HPSE2: variants seen among roughly 807,000 people sequenced by gnomAD.
HPSE2 encodes heparanase 2 (inactive).
HPSE2 carries 38 observed loss-of-function variants against 60.5 expected under a neutral mutation model. That is an observed-to-expected ratio of 0.63 (90% confidence interval 0.48 to 0.82). The LOEUF (loss-of-function observed/expected upper bound fraction) is 0.82. Among genes scored for constraint, HPSE2 ranks in the 40% least tolerant of loss-of-function variants. HPSE2 has a pLI of 0.00. For missense variants in HPSE2, 713 were observed against 740.4 expected (o/e 0.96, Z 0.43); for synonymous variants, 295 against 293.2 (o/e 1.01, Z -0.06).
chr10:98,547,771 A>G (rs922908657), intron 9 of HPSE2, among the ~76,000 whole-genome samples: 2 of 151,814 alleles, frequency 1.3e-5, no homozygotes, highest in African/African-American at 4.8e-5. Flanking sequence ...TAACCTGCAC[A>G]TTGTGCACAT....
chr10:98,501,690 T>A (rs113698108), intron 9 of HPSE2, among the ~76,000 whole-genome samples: 1,943 of 152,170 alleles, frequency 0.013, 39 homozygotes, highest in African/African-American at 0.042. Flanking sequence ...GTATTGGAAG[T>A]CCTAGCCAGA....
intron 1 of HPSE2, among the ~76,000 whole-genome samples, chr10:99,233,784 GCA>G (rs1849747880): frequency 6.6e-6 from 1 of 152,152 alleles, no homozygotes; most frequent in African/African-American, 2.4e-5. Context: ...TCCAGGACAG[GCA>G]CAGTCAGGGC....
chr10:98,851,466 A>T (rs1035049933), intron 3 of HPSE2, among the ~76,000 whole-genome samples: 67 of 152,106 alleles, frequency 4.4e-4, no homozygotes, highest in Admixed American at 2.1e-3. Flanking sequence ...TCCATAACCA[A>T]CACCTGCTTC....
chr10:98,540,275 A>G (rs1943417667), intron 9 of HPSE2, among the ~76,000 whole-genome samples: 1 of 152,226 alleles, frequency 6.6e-6, no homozygotes, highest in Admixed American at 6.5e-5. Flanking sequence ...TTCAATTTGC[A>G]TTTATTCATA....
At chr10:98,976,208 A>G (rs142781168) in intron 3 of HPSE2, among the ~76,000 whole-genome samples, 1 of 152,166 alleles carries the variant, frequency 6.6e-6, no homozygotes, top group South Asian at 2.1e-4. Context: ...CCTCAAGGAA[A>G]GAGACTATAC....
At chr10:99,100,960 G>A (rs934753621) in intron 3 of HPSE2, among the ~76,000 whole-genome samples, 6 of 152,090 alleles carry the variant, frequency 3.9e-5, no homozygotes, top group Non-Finnish European at 4.4e-5. Flanking sequence ...TCACCACCAG[G>A]CCTGCCCTAA....
chr10:99,036,090 C>G (rs1957603575), intron 3 of HPSE2, among the ~76,000 whole-genome samples: 1 of 151,956 alleles, frequency 6.6e-6, no homozygotes, highest in Non-Finnish European at 1.5e-5. Context: ...AACCATGTGC[C>G]TAGAGTCCCA....
the HPSE2 span, among the ~76,000 whole-genome samples, chr10:99,243,183 C>T: frequency 6.6e-6 from 1 of 151,922 alleles, no homozygotes; most frequent in Admixed American, 6.6e-5. Flanking sequence ...GAAACCCTGT[C>T]TCTACTAAAA....
chr10:98,829,538 A>G (rs1296403789), intron 3 of HPSE2, among the ~76,000 whole-genome samples: 1 of 152,108 alleles, frequency 6.6e-6, no homozygotes, highest in Non-Finnish European at 1.5e-5. Context: ...ACAAAAAAAA[A>G]GATGAAGAAA....
intron 3 of HPSE2, among the ~76,000 whole-genome samples, chr10:99,135,692 T>A (rs1845619371): frequency 6.6e-6 from 1 of 152,122 alleles, no homozygotes; most frequent in Non-Finnish European, 1.5e-5. Context: ...CTGGGACACA[T>A]TTAAAGCAGT....
At chr10:99,275,431 T>C in the HPSE2 span, among the ~76,000 whole-genome samples, 1 of 151,052 alleles carries the variant, frequency 6.6e-6, no homozygotes, top group African/African-American at 2.5e-5. Context: ...TTATTTAACT[T>C]GGGACATTTA....
At chr10:99,040,657 TA>T (rs542775208) in intron 3 of HPSE2, among the ~76,000 whole-genome samples, 2 of 151,900 alleles carry the variant, frequency 1.3e-5, no homozygotes, top group Non-Finnish European at 2.9e-5. Flanking sequence ...TACCCAAAAA[TA>T]AAAAAAACTT....
intron 7 of HPSE2, among the ~76,000 whole-genome samples, chr10:98,630,228 C>T (rs1426181816): frequency 2.1e-5 from 3 of 144,026 alleles, no homozygotes; most frequent in African/African-American, 7.8e-5. Context: ...GACAGAGTCT[C>T]GCTCTGTCAC....
intron 3 of HPSE2, among the ~76,000 whole-genome samples, chr10:98,901,784 C>T (rs930087778): frequency 3.3e-5 from 5 of 152,160 alleles, no homozygotes; most frequent in African/African-American, 1.2e-4. Context: ...AAGCAAGCTA[C>T]TTAACCTTTG....
At chr10:98,633,907 A>C (rs1946429689) in intron 7 of HPSE2, among the ~76,000 whole-genome samples, 1 of 152,198 alleles carries the variant, frequency 6.6e-6, no homozygotes, top group African/African-American at 2.4e-5. Context: ...GATTGCTTAC[A>C]TTCTTCATCA....
intron 3 of HPSE2, among the ~76,000 whole-genome samples, chr10:99,046,524 G>T (rs916672715): frequency 2.6e-5 from 4 of 152,000 alleles, no homozygotes; most frequent in Admixed American, 2.0e-4. Flanking sequence ...AATAGGAAAA[G>T]AAGACATCAA....
intron 3 of HPSE2, among the ~76,000 whole-genome samples, chr10:98,764,678 AC>A (rs1950080306): frequency 2.0e-5 from 3 of 152,246 alleles, no homozygotes; most frequent in South Asian, 4.2e-4. Flanking sequence ...ACATGGTGAA[AC>A]CCTGTCTTCT....
At chr10:98,694,006 T>C in intron 5 of HPSE2, 59 bp from the exon 6 acceptor site, 1 of 1,333,334 alleles carries the variant, frequency 7.5e-7, no homozygotes, top group Non-Finnish European at 1.1e-6. Context: ...ATCCCCTAAA[T>C]CAAAAGGAAA....
chr10:98,754,071 G>A (rs984565547), intron 3 of HPSE2, among the ~76,000 whole-genome samples: 1 of 152,086 alleles, frequency 6.6e-6, no homozygotes, highest in Non-Finnish European at 1.5e-5. Flanking sequence ...TGAGATTCAG[G>A]AGAAAGTCAA....
Sources: allele counts gnomAD v4.1 joint callset (sites outside exome capture counted in the v4.1 genomes callset), GRCh38; gene constraint gnomAD v4.1.1; transcripts MANE v1.5; gene names NCBI Gene and HGNC (gene_info 2026-07-23, HGNC 2026-07-21).